BCAS3: variants seen among roughly 807,000 people sequenced by gnomAD.
The protein encoded by BCAS3 is BCAS3 microtubule associated cell migration factor.
Under a neutral mutation model 116.1 loss-of-function variants are expected in BCAS3, and 53 were observed. The ratio of observed to expected loss-of-function variants is 0.46; its 90% CI spans 0.37 to 0.57. BCAS3 has a LOEUF of 0.57. Among genes scored for constraint, BCAS3 ranks in the 20% least tolerant of loss-of-function variants. BCAS3 has a pLI of 0.00. For missense variants in BCAS3, 917 were observed against 1,165.4 expected (o/e 0.79, Z 3.10); for synonymous variants, 391 against 408.2 (o/e 0.96, Z 0.51).
At chr17:61,119,300 G>A (rs1432378958) in intron 22 of BCAS3, among the ~76,000 whole-genome samples, 2 of 152,028 alleles carry the variant, frequency 1.3e-5, no homozygotes, top group Admixed American at 1.3e-4. Flanking sequence ...TTCAGAAATA[G>A]CAAATAAAAT....
intron 22 of BCAS3, among the ~76,000 whole-genome samples, chr17:61,182,210 A>G (rs1377366790): frequency 6.6e-6 from 1 of 152,198 alleles, no homozygotes; most frequent in Non-Finnish European, 1.5e-5. Flanking sequence ...GCTGTCTCAT[A>G]GTATCCAGAT....
At chr17:61,268,982 A>G (rs1484851996) in intron 22 of BCAS3, among the ~76,000 whole-genome samples, 1 of 152,062 alleles carries the variant, frequency 6.6e-6, no homozygotes, top group Non-Finnish European at 1.5e-5. Flanking sequence ...CTGTATATAT[A>G]TGTATATACC....
chr17:61,230,275 C>T (rs16945044), intron 22 of BCAS3, among the ~76,000 whole-genome samples: 27,308 of 152,008 alleles, frequency 0.18, 2,819 homozygotes, highest in African/African-American at 0.29. Flanking sequence ...AACAGCTCTC[C>T]GTGGTCCACC....
At chr17:60,834,896 C>T (rs1430422414) in intron 7 of BCAS3, among the ~76,000 whole-genome samples, 2 of 151,694 alleles carry the variant, frequency 1.3e-5, no homozygotes, top group Admixed American at 6.6e-5. Context: ...ATAAATTTTC[C>T]CTAGTATATT....
At chr17:60,912,955 C>T (rs142186845) in intron 12 of BCAS3, among the ~76,000 whole-genome samples, 41 of 152,034 alleles carry the variant, frequency 2.7e-4, no homozygotes, top group East Asian at 2.3e-3. Flanking sequence ...GTGTAATTCA[C>T]GTATTTATTT....
chr17:61,342,862 G>A lies in BCAS3; in HGVS notation c.2426-25465G>A, dbSNP rs532124650. 4.0e-5 allele frequency among the ~76,000 whole-genome samples: 6 copies of A among 150,656 alleles called. No individual in the cohort carries two copies. The Admixed American group carries it at 4.0e-4, about 10-fold the overall frequency. ...CCTCCTGGGTTCAAGTGATTCTTCT[G>A]CCTCAGCCTCCGAACTAGCTGGGAT... is the stretch of plus-strand genomic sequence containing the variant. On this transcript the variant is annotated intron_variant, in intron 22 of 23. Coordinates refer to ENST00000407086, the MANE Select transcript of BCAS3 (RefSeq NM_017679.5).
Position 61,226,323 on chromosome 17 carries a change from A to G in BCAS3, c.2425+141759A>G, listed in dbSNP as rs1270564337. On this transcript the variant is annotated intron_variant, in intron 22 of 23. Transcript: ENST00000407086. This position sits in a 1 kb window ranked among gnomAD's most constrained non-coding sequence, Gnocchi z 6.0. ...TGATACCTAATTTTCAGGTAAGCCC[A>G]GCTGGTCTAAAAAGATTGGCAATAT... is the stretch of plus-strand genomic sequence containing the variant. Among the ~76,000 whole-genome samples the G allele has an allele frequency of 6.6e-6, 1 of 152,262 alleles. No individual in the cohort carries two copies.
At chr17:61,288,887 T>C (rs11652960) in intron 22 of BCAS3, among the ~76,000 whole-genome samples, 115,392 of 152,166 alleles carry the variant, frequency 0.76, 43,987 homozygotes, top group East Asian at 0.87. Context: ...AGCCTTAGAA[T>C]AGCAGATTTT....
Position 61,028,221 on chromosome 17 carries a change from T to G in BCAS3, c.1638-6445T>G, listed in dbSNP as rs535585343. Among the ~76,000 whole-genome samples the G allele has an allele frequency of 1.3e-5, 2 of 151,936 alleles. No homozygotes were observed. Among genetic ancestry groups the G allele is most frequent in the South Asian group, 4.2e-4 (2 of 4,818 alleles). Reference sequence around the variant, plus strand: ...ATATGCCATAGGAAGATCTGAAAATTTTGTTATTGCTTAATAATAGGTGAC... The same window carrying G: ...ATATGCCATAGGAAGATCTGAAAATGTTGTTATTGCTTAATAATAGGTGAC... On this transcript the variant is annotated intron_variant, in intron 16 of 23. Transcript: ENST00000407086. The surrounding 1 kb of genome is among the most constrained non-coding windows in gnomAD (Gnocchi z 4.3).
In BCAS3 at chr17:61,095,380, A is replaced by T. The variant is rs2073902413; in HGVS notation, c.2425+10816A>T. On this transcript the variant is annotated intron_variant, in intron 22 of 23. Coordinates refer to ENST00000407086, the MANE Select transcript of BCAS3 (RefSeq NM_017679.5). This position sits in a 1 kb window ranked among gnomAD's most constrained non-coding sequence, Gnocchi z 4.7. ...ATAGAGGCTTTATCATTGTTTTTAA[A>T]TTAGCTGATACATAATTGTATTAAA... Among the ~76,000 whole-genome samples, 1 of 152,186 alleles carries T rather than the reference A, an allele frequency of 6.6e-6. No individual in the cohort carries two copies. Among genetic ancestry groups the T allele is most frequent in the Admixed American group, 6.5e-5 (1 of 15,278 alleles).
intron 7 of BCAS3, among the ~76,000 whole-genome samples, chr17:60,847,227 T>A (rs1277447614): frequency 6.6e-6 from 1 of 152,226 alleles, no homozygotes; most frequent in African/African-American, 2.4e-5. Context: ...TGTTTATCCA[T>A]TCATCTGTTG....
At chr17:60,723,623 G>A (rs1206804136) in intron 5 of BCAS3, among the ~76,000 whole-genome samples, 3 of 148,960 alleles carry the variant, frequency 2.0e-5, no homozygotes. Context: ...TGATGCAGTA[G>A]TATTGTGGAA....
In BCAS3 at chr17:61,248,954, C is replaced by T. The variant is rs1357207997; in HGVS notation, c.2426-119373C>T. Among the ~76,000 whole-genome samples the T allele has an allele frequency of 6.6e-6, 1 of 152,050 alleles. No homozygotes were observed. The highest frequency in any genetic ancestry group is 2.4e-5 in the African/African-American group (1 of 41,370). On this transcript the variant is annotated intron_variant, in intron 22 of 23. Coordinates refer to ENST00000407086, the MANE Select transcript of BCAS3 (RefSeq NM_017679.5). The surrounding 1 kb of genome is among the most constrained non-coding windows in gnomAD (Gnocchi z 4.3). Reference sequence around the variant, plus strand: ...GTTTAGATGAATATATATTCTTTTCCTGTGTATTCTACTATTCCTGCAAAA... The same window carrying T: ...GTTTAGATGAATATATATTCTTTTCTTGTGTATTCTACTATTCCTGCAAAA...
chr17:61,075,814 G>A (rs945806369), intron 20 of BCAS3, among the ~76,000 whole-genome samples: 31 of 152,132 alleles, frequency 2.0e-4, no homozygotes, highest in African/African-American at 5.8e-4. Context: ...ATGGTGCCTT[G>A]GTTTCCTTTC....
intron 22 of BCAS3, among the ~76,000 whole-genome samples, chr17:61,296,434 C>G (rs988857136): frequency 1.3e-5 from 2 of 152,160 alleles, no homozygotes; most frequent in Non-Finnish European, 2.9e-5. Context: ...TTCAGGTTCT[C>G]TGTGGAGAGG....
At position 60,961,934 on chromosome 17, in the gene BCAS3, A is replaced by G. The variant is rs2061431438; in HGVS notation, c.1221+14582A>G. ...GTAGTTCCCACCTAGGAGTGAGATC[A>G]TGCAACATTTCACTGTGCCTGGTTT... On this transcript the variant is annotated intron_variant, in intron 14 of 23. Transcript: ENST00000407086. The surrounding 1 kb of genome is among the most constrained non-coding windows in gnomAD (Gnocchi z 4.8). Among the ~76,000 whole-genome samples the G allele has an allele frequency of 6.6e-6, 1 of 152,198 alleles. No individual in the cohort carries two copies. Among genetic ancestry groups the G allele is most frequent in the Non-Finnish European group, 1.5e-5 (1 of 68,042 alleles).
chr17:60,895,980 C>T (rs2057481131), intron 10 of BCAS3, among the ~76,000 whole-genome samples: 1 of 152,156 alleles, frequency 6.6e-6, no homozygotes, highest in African/African-American at 2.4e-5. Context: ...GTATATTCTG[C>T]AGTTGTTGGA....
At chr17:61,129,711 C>A (rs527345568) in intron 22 of BCAS3, among the ~76,000 whole-genome samples, 3 of 152,166 alleles carry the variant, frequency 2.0e-5, no homozygotes, top group Non-Finnish European at 4.4e-5. Context: ...AGGGAGGTGC[C>A]GATCTTCAGT....
chr17:61,331,252 A>G (rs1454057563), intron 22 of BCAS3, among the ~76,000 whole-genome samples: 1 of 152,116 alleles, frequency 6.6e-6, no homozygotes, highest in Non-Finnish European at 1.5e-5. Flanking sequence ...ACAGTTGCCA[A>G]AGGTTCCTGC....
Sources: gnomAD v4.1 joint callset for allele counts (sites outside exome capture counted in the v4.1 genomes callset) on GRCh38, gnomAD v4.1.1 for gene constraint, Gnocchi (gnomAD v3.1) non-coding constraint, MANE v1.5 for transcripts, NCBI Gene and HGNC (gene_info 2026-07-23, HGNC 2026-07-21) for gene names.